The following FHIT variants were observed in gnomAD, a reference collection of about 807,000 sequenced individuals.
FHIT encodes bis(5'-adenosyl)-triphosphatase.
FHIT carries 19 observed loss-of-function variants against 17.9 expected under a neutral mutation model. The observed-to-expected ratio is 1.06, with a 90% CI of 0.74 to 1.56. FHIT has a LOEUF of 1.56. Among genes scored for constraint, FHIT ranks in the 40% most tolerant of loss-of-function variants. The pLI is 0.00. For synonymous variants in FHIT, 81 were observed against 69.7 expected (o/e 1.16, Z -0.81); for missense variants, 248 against 189.2 (o/e 1.31, Z -1.82).
At chr3:59,954,847 T>A (rs1707314215) in intron 7 of FHIT, among the ~76,000 whole-genome samples, 1 of 152,114 alleles carries the variant, frequency 6.6e-6, no homozygotes, top group Non-Finnish European at 1.5e-5. Flanking sequence ...AAACCCAAGC[T>A]TACATGCTAG....
chr3:59,836,731 C>T (rs944206515), intron 8 of FHIT, among the ~76,000 whole-genome samples: 5 of 152,106 alleles, frequency 3.3e-5, no homozygotes, highest in African/African-American at 4.8e-5. Context: ...GCAGCCACTT[C>T]CTACTAGGGA....
intron 5 of FHIT, among the ~76,000 whole-genome samples, chr3:60,247,000 A>C (rs1705429070): frequency 6.6e-6 from 1 of 152,144 alleles, no homozygotes; most frequent in African/African-American, 2.4e-5. Flanking sequence ...ACATGCAAGT[A>C]ACTATTTGTC....
intron 5 of FHIT, among the ~76,000 whole-genome samples, chr3:60,020,715 TTTAAAATAATTC>T (rs1700523891): frequency 6.6e-6 from 1 of 152,160 alleles, no homozygotes; most frequent in Admixed American, 6.5e-5. Context: ...CTTGTAAATG[TTTAAAATAATTC>T]TTAATGTCAC....
At chr3:59,875,574 T>C (rs1417344605) in intron 8 of FHIT, among the ~76,000 whole-genome samples, 1 of 152,232 alleles carries the variant, frequency 6.6e-6, no homozygotes, top group Non-Finnish European at 1.5e-5. Context: ...ATTTTTGTGA[T>C]ATCAGGAGCA....
At chr3:60,986,773 G>T (rs1196907799) in intron 3 of FHIT, among the ~76,000 whole-genome samples, 2 of 152,094 alleles carry the variant, frequency 1.3e-5, no homozygotes, top group African/African-American at 4.8e-5. Flanking sequence ...CATAGGAATA[G>T]CCGCTGACAG....
intron 8 of FHIT, among the ~76,000 whole-genome samples, chr3:59,809,707 G>A (rs1251354348): frequency 8.5e-5 from 13 of 152,176 alleles, no homozygotes; most frequent in Non-Finnish European, 1.6e-4. Flanking sequence ...ACTGGGGTTT[G>A]TTTTATTTGT....
At chr3:60,105,383 T>C (rs979981742) in intron 5 of FHIT, among the ~76,000 whole-genome samples, 19 of 152,212 alleles carry the variant, frequency 1.2e-4, no homozygotes, top group African/African-American at 3.9e-4. Context: ...GTTTTTGTGC[T>C]CTATGCCAAC....
At chr3:60,421,073 G>A (rs891235586) in intron 5 of FHIT, among the ~76,000 whole-genome samples, 5 of 148,116 alleles carry the variant, frequency 3.4e-5, no homozygotes, top group African/African-American at 5.0e-5. Context: ...AGCTTTGGCC[G>A]AAGACAGTTT....
At chr3:60,340,500 A>G (rs1710463132) in intron 5 of FHIT, among the ~76,000 whole-genome samples, 1 of 152,202 alleles carries the variant, frequency 6.6e-6, no homozygotes, top group African/African-American at 2.4e-5. Flanking sequence ...CTCTGAACAG[A>G]TACAAATCAA....
intron 5 of FHIT, among the ~76,000 whole-genome samples, chr3:60,460,695 T>C (rs71313772): frequency 0.038 from 5,741 of 152,310 alleles, 147 homozygotes; most frequent in Non-Finnish European, 0.058. Flanking sequence ...CCACATGTGC[T>C]GTGATTTACA....
At chr3:60,149,818 G>C (rs948843351) in intron 5 of FHIT, among the ~76,000 whole-genome samples, 3 of 150,828 alleles carry the variant, frequency 2.0e-5, no homozygotes, top group Admixed American at 6.6e-5. Flanking sequence ...TTTGCTGTGG[G>C]ATAGACACAT....
chr3:60,679,896 C>T (rs2040706977), intron 4 of FHIT, among the ~76,000 whole-genome samples: 4 of 152,072 alleles, frequency 2.6e-5, no homozygotes, highest in Admixed American at 2.6e-4. Flanking sequence ...AACATCTTTA[C>T]TCAACATATA....
intron 5 of FHIT, among the ~76,000 whole-genome samples, chr3:60,200,085 G>A (rs1446409968): frequency 2.0e-5 from 3 of 152,028 alleles, no homozygotes; most frequent in Non-Finnish European, 4.4e-5. Flanking sequence ...AACACACCAC[G>A]GGATAACCAA....
chr3:61,185,241 GC>G (rs138066574), intron 2 of FHIT, among the ~76,000 whole-genome samples: 49 of 152,306 alleles, frequency 3.2e-4, no homozygotes, highest in African/African-American at 7.2e-4. Flanking sequence ...ATCAGGAGAA[GC>G]AAGCACAGAC....
At chr3:60,123,564 T>C (rs1705355243) in intron 5 of FHIT, among the ~76,000 whole-genome samples, 2 of 152,174 alleles carry the variant, frequency 1.3e-5, no homozygotes, top group Non-Finnish European at 2.9e-5. Context: ...TAGAGAATTC[T>C]AAAATATCGT....
chr3:60,494,574 A>AT (rs1002614290), intron 5 of FHIT, among the ~76,000 whole-genome samples: 30 of 151,920 alleles, frequency 2.0e-4, no homozygotes, highest in Admixed American at 2.6e-4. Flanking sequence ...CATGTTTTCT[A>AT]TTTTTTTGTA....
At chr3:60,510,340 T>C (rs767990545) in intron 5 of FHIT, among the ~76,000 whole-genome samples, 25 of 152,312 alleles carry the variant, frequency 1.6e-4, no homozygotes, top group Non-Finnish European at 2.9e-4. Flanking sequence ...AGGCCAATTA[T>C]TGTTAAGTTT....
intron 4 of FHIT, among the ~76,000 whole-genome samples, chr3:60,768,152 A>G (rs1346711297): frequency 6.6e-6 from 1 of 152,170 alleles, no homozygotes; most frequent in African/African-American, 2.4e-5. Flanking sequence ...AAATCCCATC[A>G]GTGGGCAAAA....
chr3:60,351,989 C>T (rs1383460376), intron 5 of FHIT, among the ~76,000 whole-genome samples: 1 of 152,174 alleles, frequency 6.6e-6, no homozygotes. Context: ...TCCATCATTT[C>T]ACTTCTTGCC....
Sources: allele counts gnomAD v4.1 joint callset (sites outside exome capture counted in the v4.1 genomes callset), GRCh38; gene constraint gnomAD v4.1.1; transcripts MANE v1.5; gene names NCBI Gene and HGNC (gene_info 2026-07-23, HGNC 2026-07-21).